The following ARHGAP12 variants were observed in gnomAD, a reference collection of about 807,000 sequenced individuals.
ARHGAP12 encodes the protein Rho GTPase activating protein 12, also known as rho GTPase-activating protein 12.
A neutral mutation model predicts 108.6 loss-of-function variants in ARHGAP12; 64 were observed. The ratio of observed to expected loss-of-function variants is 0.59; its 90% CI spans 0.48 to 0.73. ARHGAP12 has a LOEUF of 0.73. ARHGAP12 is among the 30% of genes least tolerant of loss of function. The probability of loss-of-function intolerance (pLI) is 0.00; values close to 1 mark genes in which losing one functional copy is unlikely to be tolerated. For missense variants in ARHGAP12, 940 were observed against 1,005.9 expected, an observed-to-expected ratio of 0.93 and a Z score of 0.89; for synonymous variants, 312 against 337.2, an observed-to-expected ratio of 0.93 and a Z score of 0.82.
At chr10:31,841,352 A>G (rs539391850) in intron 7 of ARHGAP12, among the ~76,000 whole-genome samples, 12 of 152,320 alleles carry the variant, frequency 7.9e-5, no homozygotes, top group Non-Finnish European at 1.6e-4. Flanking sequence ...AACATTTGCT[A>G]TACAATAATA....
intron 5 of ARHGAP12, 132 bp from the exon 6 acceptor site, chr10:31,852,729 CTTTTTTTTTTTTT>C (rs398013156): frequency 6.1e-5 from 14 of 230,362 alleles, no homozygotes; most frequent in East Asian, 1.1e-4. Context: ...ACAAAAAATT[CTTTTTTTTTTTTT>C]TTTTTTTTTT....
At chr10:31,845,513 G>A (rs1039131068) in intron 6 of ARHGAP12, among the ~76,000 whole-genome samples, 2 of 152,176 alleles carry the variant, frequency 1.3e-5, no homozygotes, top group African/African-American at 2.4e-5. Context: ...ATCTGGGCTC[G>A]GTGGCTCACG....
intron 9 of ARHGAP12, among the ~76,000 whole-genome samples, chr10:31,837,099 C>A (rs150853617): frequency 2.6e-5 from 4 of 152,254 alleles, no homozygotes; most frequent in African/African-American, 9.6e-5. Context: ...CTTGTAACTG[C>A]ATGTGCAACA....
chr10:31,881,123 A>C (rs916867872), intron 3 of ARHGAP12, among the ~76,000 whole-genome samples: 7 of 151,864 alleles, frequency 4.6e-5, no homozygotes, highest in African/African-American at 1.7e-4. Flanking sequence ...TACAACAAGG[A>C]TATGCCCATG....
At chr10:31,868,579 G>T (rs1322162992) in intron 3 of ARHGAP12, among the ~76,000 whole-genome samples, 1 of 152,066 alleles carries the variant, frequency 6.6e-6, no homozygotes, top group East Asian at 1.9e-4. Context: ...TAAAATTCTT[G>T]GGCCACATTC....
chr10:31,868,070 C>A (rs1318631342), intron 3 of ARHGAP12, among the ~76,000 whole-genome samples: 1 of 151,942 alleles, frequency 6.6e-6, no homozygotes, highest in African/African-American at 2.4e-5. Context: ...CGTGGTGGTG[C>A]ACACGTAATC....
At chr10:31,818,375 A>G (rs908379013) in intron 12 of ARHGAP12, among the ~76,000 whole-genome samples, 27 of 152,340 alleles carry the variant, frequency 1.8e-4, no homozygotes, top group African/African-American at 6.5e-4. Context: ...GGCTTAGTAC[A>G]AAGAGCAGGC....
chr10:31,819,265 A>G (rs1835323293), intron 12 of ARHGAP12, among the ~76,000 whole-genome samples: 1 of 152,184 alleles, frequency 6.6e-6, no homozygotes, highest in Non-Finnish European at 1.5e-5. Context: ...GCAGAACAAT[A>G]AAGAGTAAAA....
intron 10 of ARHGAP12, among the ~76,000 whole-genome samples, chr10:31,827,654 G>C (rs1366394603): frequency 6.6e-6 from 1 of 152,086 alleles, no homozygotes; most frequent in Non-Finnish European, 1.5e-5. Flanking sequence ...AGCCAGGCGT[G>C]GTGGCGGGCA....
At chr10:31,892,378 G>T (rs1359161888) in intron 3 of ARHGAP12, among the ~76,000 whole-genome samples, 1 of 152,122 alleles carries the variant, frequency 6.6e-6, no homozygotes, top group South Asian at 2.1e-4. Flanking sequence ...CTCACGTGCA[G>T]AGACACACAT....
chr10:31,896,295 CTTTT>C (rs1293661516), intron 3 of ARHGAP12, among the ~76,000 whole-genome samples: 275 of 139,198 alleles, frequency 2.0e-3, no homozygotes, highest in Non-Finnish European at 2.5e-3. Context: ...CATCATTAAA[CTTTT>C]TTTACTTTGA....
chr10:31,869,916 T>A (rs1009826650), intron 3 of ARHGAP12, among the ~76,000 whole-genome samples: 3 of 152,222 alleles, frequency 2.0e-5, no homozygotes, highest in Non-Finnish European at 4.4e-5. Flanking sequence ...GAATCCATAC[T>A]AAGGAGCTAC....
intron 9 of ARHGAP12, among the ~76,000 whole-genome samples, chr10:31,836,774 G>T (rs1187122732): frequency 1.3e-5 from 2 of 152,160 alleles, no homozygotes; most frequent in East Asian, 3.9e-4. Flanking sequence ...CGCAGAGGAG[G>T]AACCAGAGGG....
intron 3 of ARHGAP12, among the ~76,000 whole-genome samples, chr10:31,902,465 C>G (rs187890356): frequency 1.6e-4 from 25 of 152,084 alleles, no homozygotes; most frequent in African/African-American, 5.5e-4. Context: ...CACTTGAGGC[C>G]AGGGGTTCAA....
At chr10:31,813,774 C>T (rs1835101858) in intron 14 of ARHGAP12, among the ~76,000 whole-genome samples, 1 of 152,140 alleles carries the variant, frequency 6.6e-6, no homozygotes, top group Admixed American at 6.5e-5. Context: ...TTGCTATGCT[C>T]CTTTCTGTAG....
intron 3 of ARHGAP12, among the ~76,000 whole-genome samples, chr10:31,862,697 CACACACAG>C (rs879892250): frequency 0.055 from 3,032 of 55,546 alleles, 57 homozygotes; most frequent in East Asian, 0.28. Context: ...GTGGCGCATG[CACACACAG>C]ACACACACAC....
intron 3 of ARHGAP12, among the ~76,000 whole-genome samples, chr10:31,889,315 C>T (rs1427883881): frequency 6.6e-6 from 1 of 152,166 alleles, no homozygotes; most frequent in Admixed American, 6.5e-5. Context: ...AAGGCAAAGC[C>T]ACTGAATATC....
intron 4 of ARHGAP12, among the ~76,000 whole-genome samples, chr10:31,860,189 T>C (rs756461308): frequency 2.0e-5 from 3 of 152,126 alleles, no homozygotes; most frequent in Non-Finnish European, 4.4e-5. Context: ...AACTGAAAAA[T>C]GGGACAAGAA....
At chr10:31,817,957 T>C (rs1451077754) in intron 12 of ARHGAP12, 71 bp from the exon 13 acceptor site, 1 of 1,100,666 alleles carries the variant, frequency 9.1e-7, no homozygotes, top group Non-Finnish European at 1.4e-6. Flanking sequence ...TGAATACCTT[T>C]AATTCAAAGT....
Sources: gnomAD v4.1 joint callset for allele counts (sites outside exome capture counted in the v4.1 genomes callset) on GRCh38, gnomAD v4.1.1 for gene constraint, MANE v1.5 for transcripts, NCBI Gene and HGNC (gene_info 2026-07-23, HGNC 2026-07-21) for gene names.